The following ABCG1 variants were observed in gnomAD, a reference collection of about 807,000 sequenced individuals.
ABCG1 encodes the protein ATP-binding cassette sub-family G member 1.
A neutral mutation model predicts 69.2 loss-of-function variants in ABCG1; 29 were observed. The observed-to-expected ratio is 0.42, with a 90% CI of 0.31 to 0.57. The LOEUF (loss-of-function observed/expected upper bound fraction) is 0.57. Among genes scored for constraint, ABCG1 ranks in the 20% least tolerant of loss-of-function variants. ABCG1 has a pLI of 0.15. For synonymous variants in ABCG1, 370 were observed against 374.8 expected (o/e 0.99, Z 0.15); for missense variants, 718 against 898.1 (o/e 0.80, Z 2.56).
rs953366855 is a variant in ABCG1 at position 42,271,147 on chromosome 21, G to T, written c.364G>T (p.Ala122Ser). ...GGTGGCCATTATGGGTCCTTCCGGGGCCGGGAAGTCCACGCTGATGAACAT... is the reference window on the plus strand; with the variant it reads ...GGTGGCCATTATGGGTCCTTCCGGGTCCGGGAAGTCCACGCTGATGAACAT... The part of the protein sequence containing the change: ...ELVAIMGPSG[A>S]GKSTLMNILA... The change falls in exon 3 of 15, where the codon GCC becomes TCC. Residue 122 changes from alanine (A) to serine (S), a missense_variant. Ala to Ser is a moderately conservative substitution (Grantham distance 99, BLOSUM62 1). Around this residue, in one of 2 missense-constraint regions of ABCG1, gnomAD observed 514 missense variants for 574.3 expected, o/e 0.90. Coordinates refer to ENST00000398449, the MANE Select transcript of ABCG1 (RefSeq NM_016818.3). 1.5e-5 allele frequency: 23 copies of T among 1,579,408 alleles called. No individual in the cohort carries two copies. Among genetic ancestry groups the T allele is most frequent in the East Asian group, 9.7e-5 (4 of 41,442 alleles).
At chr21:42,254,122 G>A (rs1448848050) in intron 2 of ABCG1, among the ~76,000 whole-genome samples, 1 of 152,260 alleles carries the variant, frequency 6.6e-6, no homozygotes, top group South Asian at 2.1e-4. Flanking sequence ...GTATGGATGG[G>A]GAATGCTGAA....
intron 5 of ABCG1, among the ~76,000 whole-genome samples, chr21:42,278,967 AGCAGAG>A (rs2068757777): frequency 6.6e-6 from 1 of 151,958 alleles, no homozygotes; most frequent in East Asian, 1.9e-4. Flanking sequence ...GCCCCCATGA[AGCAGAG>A]GCTTTTCCAC....
intron 2 of ABCG1, among the ~76,000 whole-genome samples, chr21:42,244,842 C>A (rs566234325): frequency 6.6e-6 from 1 of 152,208 alleles, no homozygotes; most frequent in Non-Finnish European, 1.5e-5. Flanking sequence ...ACAAAGGGAA[C>A]GACCGTAGGC....
chr21:42,288,227 A>G lies in ABCG1; in HGVS notation c.1139A>G (p.Glu380Gly), dbSNP rs778514460. The change falls in exon 10 of 15, where the codon GAA becomes GGA. Residue 380 changes from glutamate to glycine, a missense_variant. Physicochemically the swap from Glu to Gly is moderately conservative, Grantham distance 98. Transcript: ENST00000398449. The surrounding 1 kb of genome is among the most constrained non-coding windows in gnomAD (Gnocchi z 4.8). Reference sequence around the variant, plus strand: ...TGTCCTCAGGACTCCTCGTCCATGGAAGGCTGCCACAGCTTCTCTGCCAGC... The same window carrying G: ...TGTCCTCAGGACTCCTCGTCCATGGGAGGCTGCCACAGCTTCTCTGCCAGC... ...RPSEEDSSSM[E>G]GCHSFSASCL... 8.1e-6 allele frequency: 13 copies of G among 1,614,096 alleles called. No homozygotes were observed. In the Admixed American group the frequency reaches 2.2e-4, roughly 27 times the overall value.
chr21:42,245,093 T>C (rs2068112089), intron 2 of ABCG1, among the ~76,000 whole-genome samples: 1 of 151,800 alleles, frequency 6.6e-6, no homozygotes, highest in Non-Finnish European at 1.5e-5. Context: ...GAGTGAGGAG[T>C]GGTGTTTGCC....
At chr21:42,253,360 G>C (rs746440263) in intron 2 of ABCG1, among the ~76,000 whole-genome samples, 2 of 152,182 alleles carry the variant, frequency 1.3e-5, no homozygotes, top group Non-Finnish European at 2.9e-5. Context: ...ATGTGGTTTG[G>C]GGGAAAGCTG....
chr21:42,267,591 CTGATCTGGGTTCTGTCTGGGTG>C (rs2068532392), intron 2 of ABCG1, among the ~76,000 whole-genome samples: 4 of 136,766 alleles, frequency 2.9e-5, no homozygotes, highest in Non-Finnish European at 6.3e-5. Context: ...CTTTCTGGGT[CTGATCTGGGTTCTGTCTGGGTG>C]TGGTCTGGGT....
chr21:42,233,315 T>G (rs1601364786), intron 2 of ABCG1, among the ~76,000 whole-genome samples: 1 of 152,184 alleles, frequency 6.6e-6, no homozygotes, highest in Non-Finnish European at 1.5e-5. Context: ...GTCCAAATCT[T>G]GGAGCCAAAA....
In ABCG1 at chr21:42,287,841, G is replaced by A. The variant is rs2068972277; in HGVS notation, c.974-48G>A. The stretch of plus-strand genomic sequence containing the variant: ...ACGACTTTCGCATTTGGGTGGTTGG[G>A]GTGTCCTTCCTGGAGCCCGGGCTGA... On this transcript the variant is annotated intron_variant, in intron 8 of 14. Transcript: ENST00000398449. This position sits in a 1 kb window ranked among gnomAD's most constrained non-coding sequence, Gnocchi z 6.2. 2 of 1,510,354 alleles carry A rather than the reference G, an allele frequency of 1.3e-6. No individual in the cohort carries two copies. The highest frequency in any genetic ancestry group is 1.8e-6 in the Non-Finnish European group (2 of 1,126,702). 93.6% of individuals were successfully genotyped at this position (1,510,354 alleles called of 1,614,324 possible).
intron 2 of ABCG1, among the ~76,000 whole-genome samples, chr21:42,237,015 C>G (rs1375056329): frequency 6.6e-6 from 1 of 152,198 alleles, no homozygotes; most frequent in African/African-American, 2.4e-5. Flanking sequence ...ATGGTGTGAG[C>G]AGGAGGCCAT....
intron 2 of ABCG1, chr21:42,259,333 A>G (rs1674822807): frequency 1.3e-6 from 2 of 1,549,474 alleles, no homozygotes; most frequent in Admixed American, 3.9e-5. Flanking sequence ...GTGCATGTAC[A>G]GGTGGCAGCT....
intron 2 of ABCG1, among the ~76,000 whole-genome samples, chr21:42,242,621 T>G (rs544033250): frequency 6.6e-6 from 1 of 152,298 alleles, no homozygotes; most frequent in South Asian, 2.1e-4. Context: ...AGGAGCATGA[T>G]GAGAGGTGGC....
At chr21:42,244,867 C>T (rs1221189053) in intron 2 of ABCG1, among the ~76,000 whole-genome samples, 1 of 152,256 alleles carries the variant, frequency 6.6e-6, no homozygotes, top group East Asian at 1.9e-4. Flanking sequence ...GAAATCCCCA[C>T]CTTGCTGTTG....
In ABCG1 at chr21:42,273,830, C is replaced by T. The variant is rs2068661839; in HGVS notation, c.537+395C>T. Among the ~76,000 whole-genome samples, 1 of 152,234 alleles carries T rather than the reference C, an allele frequency of 6.6e-6. No individual in the cohort carries two copies. The highest frequency in any genetic ancestry group is 1.5e-5 in the Non-Finnish European group (1 of 68,048). ...TCCGTGTCTTTGGCCCAAGCACCCACTCGCCTGGTGCCTTGGTCAGGATAC... is the reference window on the plus strand; with the variant it reads ...TCCGTGTCTTTGGCCCAAGCACCCATTCGCCTGGTGCCTTGGTCAGGATAC... On this transcript the variant is annotated intron_variant, in intron 4 of 14. Transcript: ENST00000398449. The surrounding 1 kb of genome is among the most constrained non-coding windows in gnomAD (Gnocchi z 5.3).
At position 42,297,018 on chromosome 21, in the gene ABCG1, G is replaced by A. The variant is rs1227358913; in HGVS notation, c.*626G>A. ...CATACTTTGTTTAGAGAGGCGAGGG[G>A]TTTAACCGAGTCACCCAGCTGGTCT... On this transcript the variant is annotated 3_prime_UTR_variant, in exon 15 of 15. Transcript: ENST00000398449. 1.3e-5 allele frequency: 2 copies of A among 156,142 alleles called. No homozygotes were observed. Among genetic ancestry groups the A allele is most frequent in the Non-Finnish European group, 2.9e-5 (2 of 70,078 alleles). The allele number at this position is 156,142 out of a possible 1,614,324, so 9.7% of individuals were successfully genotyped here.
chr21:42,250,607 C>T (rs746727307), intron 2 of ABCG1, among the ~76,000 whole-genome samples: 5 of 152,194 alleles, frequency 3.3e-5, no homozygotes, highest in Admixed American at 6.5e-5. Context: ...CTCTGGTGGC[C>T]GCTCATGGTC....
intron 2 of ABCG1, among the ~76,000 whole-genome samples, chr21:42,256,816 A>C (rs1447081533): frequency 6.6e-6 from 1 of 152,194 alleles, no homozygotes; most frequent in Non-Finnish European, 1.5e-5. Context: ...GTGGGAGCTC[A>C]TGCCCTCCCC....
At position 42,287,792 on chromosome 21, in the gene ABCG1, C is replaced by A; in HGVS notation, c.974-97C>A. 1 of 1,309,948 alleles carries A rather than the reference C, an allele frequency of 7.6e-7. No homozygotes were observed. The highest frequency in any genetic ancestry group is 1.0e-6 in the Non-Finnish European group (1 of 954,858). The allele number at this position is 1,309,948 out of a possible 1,614,324, so 81.1% of individuals were successfully genotyped here. On this transcript the variant is annotated intron_variant, in intron 8 of 14. Coordinates refer to ENST00000398449, the MANE Select transcript of ABCG1 (RefSeq NM_016818.3). The surrounding 1 kb of genome is among the most constrained non-coding windows in gnomAD (Gnocchi z 6.2). ...CCGCCACGCAGCATCTATGTAATCG[C>A]TTTAAAACATTCCCACTTGAATAAC...
intron 2 of ABCG1, among the ~76,000 whole-genome samples, chr21:42,230,770 C>T (rs56843660): frequency 0.022 from 3,284 of 152,260 alleles, 114 homozygotes; most frequent in African/African-American, 0.075. Flanking sequence ...GGTTCCCACG[C>T]GTAGTTGACT....
Sources: gnomAD v4.1 joint callset for allele counts (sites outside exome capture counted in the v4.1 genomes callset) on GRCh38, gnomAD v4.1.1 for gene constraint, gnomAD v4.1.1 regional missense constraint, Gnocchi (gnomAD v3.1) non-coding constraint, MANE v1.5 for transcripts, NCBI Gene and HGNC (gene_info 2026-07-23, HGNC 2026-07-21) for gene names.